ZNF226: variants seen among roughly 807,000 people sequenced by gnomAD.
ZNF226 encodes zinc finger protein 226.
Under a neutral mutation model 11.4 loss-of-function variants are expected in ZNF226, and 6 were observed. The ratio of observed to expected loss-of-function variants is 0.53; its 90% CI spans 0.29 to 1.04. ZNF226 has a LOEUF of 1.04. Ranked by LOEUF, ZNF226 falls within the 50% of genes least tolerant of loss-of-function variation. The pLI is 0.08. For synonymous variants in ZNF226, 350 were observed against 322.8 expected (o/e 1.08, Z -0.90); for missense variants, 1,058 against 956.5 (o/e 1.11, Z -1.40).
intron 2 of ZNF226, chr19:44,167,758 TTGA>T (rs1398352532): frequency 1.3e-5 from 2 of 152,244 alleles, no homozygotes; most frequent in African/African-American, 4.8e-5. Context: ...GTGTGCTCTG[TTGA>T]TGACCATCAG....
At position 44,175,659 on chromosome 19, in the gene ZNF226, C is replaced by T. The variant is rs752984679; in HGVS notation, c.397C>T (p.Gln133Ter). 2.5e-6 allele frequency: 4 copies of T among 1,613,722 alleles called. No homozygotes were observed. In the South Asian group the frequency reaches 4.4e-5, roughly 18 times the overall value. Residue 133 changes from glutamine to a stop codon, truncating the protein, a stop_gained, in exon 6 of 6, where the codon CAG becomes TAG. Transcript: ENST00000337433. LOFTEE classifies it low-confidence loss of function (END_TRUNC). ...QCHKQGDFPY[Q>*]VGTELSIQIS... ...TCACAAACAAGGTGATTTCCCTTAC[C>T]AGGTAGGGACAGAACTGTCTATTCA...
At chr19:44,171,182 T>C (rs1295162541) in intron 3 of ZNF226, among the ~76,000 whole-genome samples, 1 of 152,204 alleles carries the variant, frequency 6.6e-6, no homozygotes, top group Non-Finnish European at 1.5e-5. Context: ...AAATCAATTT[T>C]GAAAAATACT....
downstream of ZNF226, among the ~76,000 whole-genome samples, chr19:44,182,680 C>T (rs1052372185): frequency 2.0e-5 from 3 of 152,018 alleles, no homozygotes; most frequent in Admixed American, 1.3e-4. Context: ...AAAATTGTGA[C>T]ATTGAAATGG....
At chr19:44,170,494 T>C (rs935148410) in intron 3 of ZNF226, among the ~76,000 whole-genome samples, 1 of 152,070 alleles carries the variant, frequency 6.6e-6, no homozygotes, top group Non-Finnish European at 1.5e-5. Flanking sequence ...CCCAGCACTT[T>C]GGGAGGCTGA....
At position 44,177,497 on chromosome 19, in the gene ZNF226, T is replaced by A. The variant is rs758418711; in HGVS notation, c.2235T>A (p.His745Gln). 14 of 1,614,070 alleles carry A rather than the reference T, an allele frequency of 8.7e-6. No individual in the cohort carries two copies. The highest frequency in any genetic ancestry group is 1.1e-5 in the Non-Finnish European group (13 of 1,180,028). Residue 745 changes from histidine to glutamine, a missense_variant, in exon 6 of 6, where the codon CAT becomes CAA. By Grantham distance (24) the His-to-Gln change is conservative (BLOSUM62 0). Transcript: ENST00000337433. ...GTCGGTCTTCACAACTACAGTCTCATCAGCGAGTTCACACTGGGGAGAAAC... is the reference window on the plus strand; with the variant it reads ...GTCGGTCTTCACAACTACAGTCTCAACAGCGAGTTCACACTGGGGAGAAAC... The part of the protein sequence containing the change: ...VFSRSSQLQS[H>Q]QRVHTGEKPY...
the ZNF226 span, among the ~76,000 whole-genome samples, chr19:44,190,478 C>A: frequency 1.2e-4 from 18 of 151,992 alleles, no homozygotes; most frequent in African/African-American, 4.3e-4. Flanking sequence ...GGACTACAGG[C>A]GCCCGCCACC....
At chr19:44,187,033 T>G in the ZNF226 span, among the ~76,000 whole-genome samples, 1,761 of 152,108 alleles carry the variant, frequency 0.012, 37 homozygotes, top group African/African-American at 0.04. The surrounding 1 kb of genome is among the most constrained non-coding windows in gnomAD (Gnocchi z 4.0). Flanking sequence ...AGTGTTTTGT[T>G]TAGGATTTTT....
the ZNF226 span, among the ~76,000 whole-genome samples, chr19:44,188,184 T>C: frequency 6.6e-6 from 1 of 152,186 alleles, no homozygotes; most frequent in Non-Finnish European, 1.5e-5. Flanking sequence ...CTCATTGATC[T>C]TCTGTCTAGT....
chr19:44,170,047 G>C lies in ZNF226; in HGVS notation c.-34G>C, dbSNP rs759944658. 6.2e-7 allele frequency: 1 copy of C among 1,603,394 alleles called. No individual in the cohort carries two copies. Among genetic ancestry groups the C allele is most frequent in the Non-Finnish European group, 8.5e-7 (1 of 1,174,286 alleles). ...TCTTCTTTCCTAGTTCAGCTTCTTA[G>C]GACTCTGCACTTCCCCAGAAGGAAG... On this transcript the variant is annotated 5_prime_UTR_variant, in exon 3 of 6. Coordinates refer to ENST00000337433, the MANE Select transcript of ZNF226 (RefSeq NM_001032373.2).
At chr19:44,183,333 T>A (rs1249192066), downstream of ZNF226, among the ~76,000 whole-genome samples, 1 of 152,218 alleles carries the variant, frequency 6.6e-6, no homozygotes, top group Non-Finnish European at 1.5e-5. Flanking sequence ...ATCCTCTGAT[T>A]ATTTCCCAAG....
At position 44,177,630 on chromosome 19, in the gene ZNF226, A is replaced by G; in HGVS notation, c.2368A>G (p.Lys790Glu). 6.2e-7 allele frequency: 1 copy of G among 1,611,334 alleles called. No homozygotes were observed. The highest frequency in any genetic ancestry group is 8.5e-7 in the Non-Finnish European group (1 of 1,178,832). ...DKSYKSNRGG[K>E]NIRESTQEKK... Reference sequence around the variant, plus strand: ...ATCCTATAAAAGTAATAGGGGTGGTAAGAACATCAGAGAATCCACACAGGA... The same window carrying G: ...ATCCTATAAAAGTAATAGGGGTGGTGAGAACATCAGAGAATCCACACAGGA... The change falls in exon 6 of 6, where the codon AAG becomes GAG. Residue 790 changes from lysine (K) to glutamate (E), a missense_variant. Lys to Glu is a moderately conservative substitution (Grantham distance 56). Transcript: ENST00000337433.
Position 44,175,933 on chromosome 19 carries a change from A to G in ZNF226, c.671A>G (p.Tyr224Cys), listed in dbSNP as rs1264192369. The G allele has an allele frequency of 8.7e-6, 14 of 1,613,554 alleles. No individual in the cohort carries two copies. The highest frequency in any genetic ancestry group is 1.2e-5 in the Non-Finnish European group (14 of 1,179,816). ...GHRVHKSEKS[Y>C]RPNDYEKDNM... ...AGAGTACACAAAAGTGAAAAATCTT[A>G]TAGACCCAATGATTATGAAAAAGAC... The change falls in exon 6 of 6, where the codon TAT becomes TGT. Residue 224 changes from tyrosine to cysteine, a missense_variant. Physicochemically the swap from Tyr to Cys is radical, Grantham distance 194. Transcript: ENST00000337433.
At chr19:44,197,258 A>G in the ZNF226 span, among the ~76,000 whole-genome samples, 1 of 152,198 alleles carries the variant, frequency 6.6e-6, no homozygotes, top group South Asian at 2.1e-4. Context: ...TTTCTGTGTC[A>G]TGGAGAATAC....
intron 3 of ZNF226, among the ~76,000 whole-genome samples, chr19:44,171,649 A>C (rs1250558570): frequency 1.3e-5 from 2 of 152,364 alleles, no homozygotes; most frequent in East Asian, 3.9e-4. Flanking sequence ...AGTGTATTAT[A>C]TTCAAGTGAA....
rs1465887636 is a variant in ZNF226 at position 44,177,414 on chromosome 19, CAG to C, written c.2155_2156del (p.Ser719CysfsTer11). ...TCAGGCCTCAAGTCTTCAACTTCAT[CAG>C]AGTGTCCACACAGGAGAGAAACCAT... ...FSQASSLQLH[Q>X]SVHTGEKPYK... On this transcript the variant is annotated frameshift_variant, in exon 6 of 6. Transcript: ENST00000337433. LOFTEE classifies it low-confidence loss of function (END_TRUNC). 4 of 1,611,536 alleles carry C rather than the reference CAG, an allele frequency of 2.5e-6. No homozygotes were observed. The South Asian group carries it at 4.4e-5, about 18-fold the overall frequency.
rs764427753 is a variant in ZNF226 at position 44,176,810 on chromosome 19, C to T, written c.1548C>T (p.Ser516=). 9 of 1,610,196 alleles carry T rather than the reference C, an allele frequency of 5.6e-6. No homozygotes were observed. Among genetic ancestry groups the T allele is most frequent in the Non-Finnish European group, 6.8e-6 (8 of 1,178,776 alleles). The change falls in exon 6 of 6, where the codon TCC becomes TCT. Residue 516 remains serine (S), a synonymous_variant. Coordinates refer to ENST00000337433, the MANE Select transcript of ZNF226 (RefSeq NM_001032373.2). The part of the protein sequence containing the change: ...NECGKSFRRN[S]HYQVHLVVHT... ...GTGGGAAGAGCTTCAGGAGGAATTC[C>T]CATTATCAAGTTCATCTAGTGGTCC...
At chr19:44,171,324 G>GA (rs1970063070) in intron 3 of ZNF226, among the ~76,000 whole-genome samples, 1 of 152,100 alleles carries the variant, frequency 6.6e-6, no homozygotes, top group South Asian at 2.1e-4. Context: ...GCTTCACCCA[G>GA]AAAAAATATT....
At chr19:44,182,050 A>T (rs1970913551), downstream of ZNF226, among the ~76,000 whole-genome samples, 1 of 152,166 alleles carries the variant, frequency 6.6e-6, no homozygotes, top group African/African-American at 2.4e-5. Context: ...ATTAGGCTGG[A>T]TTTGCTGATA....
At chr19:44,186,239 A>T in the ZNF226 span, among the ~76,000 whole-genome samples, 1 of 152,044 alleles carries the variant, frequency 6.6e-6, no homozygotes, top group Admixed American at 6.5e-5. Flanking sequence ...TTCTGAAAAA[A>T]AGTCATTGGG....
Sources: allele counts gnomAD v4.1 joint callset (sites outside exome capture counted in the v4.1 genomes callset), GRCh38; gene constraint gnomAD v4.1.1; non-coding constraint Gnocchi (gnomAD v3.1); transcripts MANE v1.5; gene names NCBI Gene and HGNC (gene_info 2026-07-23, HGNC 2026-07-21).